The following MAFF variants were observed in gnomAD, a reference collection of about 807,000 sequenced individuals.
The protein encoded by MAFF is MAF bZIP transcription factor F.
A neutral mutation model predicts 2.7 loss-of-function variants in MAFF; 4 were observed. The ratio of observed to expected loss-of-function variants is 1.48; its 90% CI spans 0.73 to 3.39. The LOEUF is 3.39. Among genes scored for constraint, MAFF ranks in the 30% most tolerant of loss-of-function variants. The pLI, the probability that MAFF is intolerant of heterozygous loss-of-function variation, is 0.01. For synonymous variants in MAFF, 113 were observed against 119.4 expected, an observed-to-expected ratio of 0.95 and a Z score of 0.35; for missense variants, 190 against 246.6, an observed-to-expected ratio of 0.77 and a Z score of 1.54.
chr22:38,215,028 C>A lies in MAFF; in HGVS notation c.*150C>A. The A allele has an allele frequency of 1.5e-6, 1 of 653,070 alleles. No individual in the cohort carries two copies. The highest frequency in any genetic ancestry group is 2.7e-6 in the Non-Finnish European group (1 of 368,698). 40.5% of individuals were successfully genotyped at this position (653,070 alleles called of 1,614,324 possible). A position where few individuals can be genotyped will look rare whatever the true frequency, so the allele number is the denominator to read the frequency against. On this transcript the variant is annotated 3_prime_UTR_variant, in exon 3 of 3. Coordinates refer to ENST00000338483, the MANE Select transcript of MAFF (RefSeq NM_012323.4). ...TTCCCTTCGTGGGCCCTGTCTTCCT[C>A]TTGCAGCCCCCCAAACTGGGACCGA...
At chr22:38,209,566 A>C (rs1173556022) in intron 1 of MAFF, among the ~76,000 whole-genome samples, 1 of 151,724 alleles carries the variant, frequency 6.6e-6, no homozygotes, top group African/African-American at 2.4e-5. Context: ...TAATCCCGGC[A>C]CTTCAGGAGG....
At position 38,216,331 on chromosome 22, in the gene MAFF, C is replaced by T. The variant is rs2091149983; in HGVS notation, c.*1453C>T. The T allele has an allele frequency of 6.2e-6, 1 of 161,670 alleles. No homozygotes were observed. The allele number at this position is 161,670 out of a possible 1,614,324, so 10.0% of individuals were successfully genotyped here. ...CAGAGGTTGTAGTGAGCTGAGATCG[C>T]ACCACTGCACTCCAGCCTGGGCAAC... On this transcript the variant is annotated 3_prime_UTR_variant, in exon 3 of 3. Transcript: ENST00000338483.
intron 2 of MAFF, 109 bp downstream of exon 2, chr22:38,213,998 AG>A: frequency 1.7e-6 from 2 of 1,190,542 alleles, no homozygotes; most frequent in South Asian, 2.6e-5. Flanking sequence ...GTGGCTCAGC[AG>A]GCACCAGGCC....
chr22:38,214,980 A>T lies in MAFF; in HGVS notation c.*102A>T. 2 of 874,650 alleles carry T rather than the reference A, an allele frequency of 2.3e-6. No homozygotes were observed. Among genetic ancestry groups the T allele is most frequent in the Non-Finnish European group, 3.6e-6 (2 of 550,566 alleles). 54.2% of individuals were successfully genotyped at this position (874,650 alleles called of 1,614,324 possible). ...TGCCCAGGTCCCATTTCTCTGCAGC[A>T]CTGGCCCCTTGGTGCACACACATTC... On this transcript the variant is annotated 3_prime_UTR_variant, in exon 3 of 3. Coordinates refer to ENST00000338483, the MANE Select transcript of MAFF (RefSeq NM_012323.4). This position sits in a 1 kb window ranked among gnomAD's most constrained non-coding sequence, Gnocchi z 6.3.
chr22:38,207,423 CTTTTTTTTTTTTTTTTTTTT>C (rs71195092), intron 1 of MAFF, among the ~76,000 whole-genome samples: 2 of 78,350 alleles, frequency 2.6e-5, no homozygotes, highest in African/African-American at 5.0e-5. Context: ...GCTTGGCCAT[CTTTTTTTTTTTTTTTTTTTT>C]TTTTTTTTTT....
rs924479183 is a variant in MAFF at position 38,215,201 on chromosome 22, CT to C, written c.*324del. 5.2e-4 allele frequency: 156 copies of C among 302,768 alleles called. 1 individual carries two copies. The Admixed American group carries it at 8.4e-3, about 16-fold the overall frequency. 18.8% of individuals were successfully genotyped at this position (302,768 alleles called of 1,614,324 possible). On this transcript the variant is annotated 3_prime_UTR_variant, in exon 3 of 3. Coordinates refer to ENST00000338483, the MANE Select transcript of MAFF (RefSeq NM_012323.4). ...GCTGTTGGGGGAGAAGAGGGCACCCCTCATCTTGGAAACTGCTCTTATTGTG... is the reference window on the plus strand; with the variant it reads ...GCTGTTGGGGGAGAAGAGGGCACCCCCATCTTGGAAACTGCTCTTATTGTG...
At position 38,214,698 on chromosome 22, in the gene MAFF, C is replaced by A. The variant is rs746668329; in HGVS notation, c.315C>A (p.Asp105Glu). The change falls in exon 3 of 3, where the codon GAC (aspartate) becomes GAA (glutamate). Residue 105 changes from aspartate to glutamate, a missense_variant. Physicochemically the swap from Asp to Glu is conservative, Grantham distance 45. Transcript: ENST00000338483. This position sits in a 1 kb window ranked among gnomAD's most constrained non-coding sequence, Gnocchi z 6.3. Reference sequence around the variant, plus strand: ...ACGCCGCCATGCGCCTGGAGCTCGACGCGCTGCGCGGCAAGTGCGAGGCGC... The same window carrying A: ...ACGCCGCCATGCGCCTGGAGCTCGAAGCGCTGCGCGGCAAGTGCGAGGCGC... ...RENAAMRLEL[D>E]ALRGKCEALQ... 1 of 1,541,272 alleles carries A rather than the reference C, an allele frequency of 6.5e-7. No individual in the cohort carries two copies. The highest frequency in any genetic ancestry group is 1.2e-5 in the South Asian group (1 of 83,842).
At chr22:38,210,351 G>C (rs1181289577) in intron 1 of MAFF, among the ~76,000 whole-genome samples, 1 of 152,198 alleles carries the variant, frequency 6.6e-6, no homozygotes, top group African/African-American at 2.4e-5. Context: ...GCTGGGAGGA[G>C]CTGGGGAGTT....
intron 1 of MAFF, among the ~76,000 whole-genome samples, chr22:38,207,153 C>T (rs1328859015): frequency 6.6e-6 from 1 of 152,054 alleles, no homozygotes; most frequent in East Asian, 1.9e-4. Flanking sequence ...TGGAGTCTTG[C>T]TCTGTCACCC....
At chr22:38,212,001 AT>A (rs915886437) in intron 1 of MAFF, among the ~76,000 whole-genome samples, 1 of 151,696 alleles carries the variant, frequency 6.6e-6, no homozygotes, top group African/African-American at 2.4e-5. Context: ...TTATTTATTT[AT>A]TTTTTTTGAG....
intron 1 of MAFF, among the ~76,000 whole-genome samples, chr22:38,206,878 C>T (rs760009552): frequency 2.0e-5 from 3 of 151,916 alleles, no homozygotes; most frequent in Non-Finnish European, 4.4e-5. Flanking sequence ...CATCACTGCA[C>T]GTGCCAGCTC....
Position 38,214,747 on chromosome 22 carries a change from G to A in MAFF, c.364G>A (p.Ala122Thr). ...GCTGCAGGGCTTCGCGCGCTCCGTG[G>A]CCGCCGCCCGCGGGCCCGCCACGCT... Reference protein sequence around the residue: ...EALQGFARSVAAARGPATLVA... With the variant: ...EALQGFARSVTAARGPATLVA... The change falls in exon 3 of 3, where the codon GCC (alanine) becomes ACC (threonine). Residue 122 changes from alanine (A) to threonine (T), a missense_variant. Ala to Thr is a moderately conservative substitution (Grantham distance 58). Around this residue, in one of 2 missense-constraint regions of MAFF, gnomAD observed 103 missense variants for 103.0 expected, o/e 1.00. Coordinates refer to ENST00000338483, the MANE Select transcript of MAFF (RefSeq NM_012323.4). This position sits in a 1 kb window ranked among gnomAD's most constrained non-coding sequence, Gnocchi z 6.3. 1 of 1,406,492 alleles carries A rather than the reference G, an allele frequency of 7.1e-7. No individual in the cohort carries two copies. The highest frequency in any genetic ancestry group is 9.2e-7 in the Non-Finnish European group (1 of 1,089,624). The allele number at this position is 1,406,492 out of a possible 1,614,324, so 87.1% of individuals were successfully genotyped here. A position where few individuals can be genotyped will look rare whatever the true frequency, so the allele number is the denominator to read the frequency against.
At position 38,214,369 on chromosome 22, in the gene MAFF, CG is replaced by C. The variant is rs756428241; in HGVS notation, c.37-44del. ...TGAAAGAGGAACACCGCGGGTGGAGCGGGGGGGCCCGTCCCCAGTCCCCTGG... is the reference window on the plus strand; with the variant it reads ...TGAAAGAGGAACACCGCGGGTGGAGCGGGGGGCCCGTCCCCAGTCCCCTGG... On this transcript the variant is annotated intron_variant, in intron 2 of 2. Transcript: ENST00000338483. The surrounding 1 kb of genome is among the most constrained non-coding windows in gnomAD (Gnocchi z 6.3). 15 of 1,481,388 alleles carry C rather than the reference CG, an allele frequency of 1.0e-5. No homozygotes were observed. The highest frequency in any genetic ancestry group is 2.0e-4 in the Middle Eastern group (1 of 5,060). 91.8% of individuals were successfully genotyped at this position (1,481,388 alleles called of 1,614,324 possible).
Position 38,214,302 on chromosome 22 carries a change from GT to G in MAFF, c.37-114del. The G allele has an allele frequency of 2.0e-6, 2 of 1,012,054 alleles. No homozygotes were observed. The highest frequency in any genetic ancestry group is 2.8e-6 in the Non-Finnish European group (2 of 714,244). 62.7% of individuals were successfully genotyped at this position (1,012,054 alleles called of 1,614,324 possible). A position where few individuals can be genotyped will look rare whatever the true frequency, so the allele number is the denominator to read the frequency against. On this transcript the variant is annotated intron_variant, in intron 2 of 2. Transcript: ENST00000338483. This position sits in a 1 kb window ranked among gnomAD's most constrained non-coding sequence, Gnocchi z 6.3. ...TCCCGGATTCCTGCTCCCCTTCGGG[GT>G]TTTGGATCAAGTCCACCCACCACCT...
chr22:38,210,917 A>G (rs1163325818), intron 1 of MAFF, among the ~76,000 whole-genome samples: 1 of 152,060 alleles, frequency 6.6e-6, no homozygotes, highest in Non-Finnish European at 1.5e-5. Context: ...AAAATTGGCC[A>G]GGTGTGGTGG....
chr22:38,213,802 T>C, intron 1 of MAFF, 21 bp from the exon 2 acceptor site: 1 of 1,576,630 alleles, frequency 6.3e-7, no homozygotes, highest in Non-Finnish European at 8.7e-7. Context: ...AACAGTGACT[T>C]TGACCTCCTT....
At position 38,215,222 on chromosome 22, in the gene MAFF, AT is replaced by A. The variant is rs2091139138; in HGVS notation, c.*346del. 7.9e-6 allele frequency: 2 copies of A among 253,640 alleles called. No individual in the cohort carries two copies. The highest frequency in any genetic ancestry group is 1.4e-4 in the South Asian group (2 of 14,312). 15.7% of individuals were successfully genotyped at this position (253,640 alleles called of 1,614,324 possible). ...ACCCCTCATCTTGGAAACTGCTCTTATTGTGCCAATATGCCCTCCAAACCCT... is the reference window on the plus strand; with the variant it reads ...ACCCCTCATCTTGGAAACTGCTCTTATGTGCCAATATGCCCTCCAAACCCT... On this transcript the variant is annotated 3_prime_UTR_variant, in exon 3 of 3. Transcript: ENST00000338483.
At chr22:38,213,176 CAA>C (rs57782814) in intron 1 of MAFF, among the ~76,000 whole-genome samples, 5 of 114,114 alleles carry the variant, frequency 4.4e-5, no homozygotes, top group African/African-American at 1.3e-4. Context: ...GACTCTGTCT[CAA>C]AAAAAAAAAA....
Position 38,209,364 on chromosome 22 carries a change from C to T in MAFF, c.-31-4459C>T, listed in dbSNP as rs1460347229. Among the ~76,000 whole-genome samples the T allele has an allele frequency of 4.0e-5, 6 of 151,898 alleles. 1 individual carries two copies. Among genetic ancestry groups the T allele is most frequent in the South Asian group, 4.2e-4 (2 of 4,816 alleles). ...ATAGGCATGAGCCACCTTGCCCAGC[C>T]GAACCATGGAAGGCTTTAATCTGGC... On this transcript the variant is annotated intron_variant, in intron 1 of 2. Transcript: ENST00000338483.
Sources: allele counts gnomAD v4.1 joint callset (sites outside exome capture counted in the v4.1 genomes callset), GRCh38; gene constraint gnomAD v4.1.1; regional missense constraint gnomAD v4.1.1; non-coding constraint Gnocchi (gnomAD v3.1); transcripts MANE v1.5; gene names NCBI Gene and HGNC (gene_info 2026-07-23, HGNC 2026-07-21).